KLF8: variants seen among roughly 807,000 people sequenced by gnomAD.
The protein encoded by KLF8 is KLF transcription factor 8.
KLF8 carries 10 observed loss-of-function variants against 18.2 expected under a neutral mutation model. The observed-to-expected ratio is 0.55, with a 90% CI of 0.34 to 0.93. The LOEUF is 0.93. Ranked by LOEUF, KLF8 falls within the 40% of genes least tolerant of loss-of-function variation. KLF8 has a pLI of 0.02. For missense variants in KLF8, 264 were observed against 277.9 expected (o/e 0.95, Z 0.36); for synonymous variants, 109 against 97.3 (o/e 1.12, Z -0.71).
the KLF8 span, among the ~76,000 whole-genome samples, chrX:56,224,597 A>C: frequency 9.0e-6 from 1 of 111,690 alleles, no homozygotes; most frequent in Admixed American, 9.5e-5. Context: ...GTTGAATGGC[A>C]TGTGTGTCGG....
the KLF8 span, among the ~76,000 whole-genome samples, chrX:55,938,831 G>T: frequency 4.5e-5 from 5 of 111,484 alleles, no homozygotes; most frequent in South Asian, 3.8e-4. Context: ...CTAACTATCC[G>T]AAATATATAT....
chrX:56,046,998 A>G, the KLF8 span, among the ~76,000 whole-genome samples: 1 of 111,508 alleles, frequency 9.0e-6, no homozygotes, highest in Non-Finnish European at 1.9e-5. Flanking sequence ...ATGAACACCA[A>G]TAATTTTTAG....
the KLF8 span, among the ~76,000 whole-genome samples, chrX:55,985,845 G>A: frequency 3.6e-5 from 4 of 110,280 alleles, no homozygotes; most frequent in Non-Finnish European, 7.6e-5. Context: ...GAGGTCCTTC[G>A]CTTTCCTTGT....
the KLF8 span, among the ~76,000 whole-genome samples, chrX:56,005,995 C>A: frequency 8.9e-6 from 1 of 112,554 alleles, no homozygotes; most frequent in African/African-American, 3.2e-5. Flanking sequence ...CTGGCGGAGG[C>A]CAACAGACAG....
the KLF8 span, among the ~76,000 whole-genome samples, chrX:56,161,462 C>T: frequency 1.8e-5 from 2 of 111,617 alleles, no homozygotes; most frequent in East Asian, 5.6e-4. Flanking sequence ...AAGCTTTGTT[C>T]ATTTCTTTTT....
intron 2 of KLF8, among the ~76,000 whole-genome samples, chrX:56,252,932 A>C (rs2066733659): frequency 8.9e-6 from 1 of 112,406 alleles, no homozygotes; most frequent in African/African-American, 3.2e-5. Flanking sequence ...ATCTCATTGT[A>C]GTTTTGATTT....
rs752831622 is a variant in KLF8 at position 56,265,740 on chromosome X, A to G, written c.642A>G (p.Gly214=). 1.7e-6 allele frequency: 2 copies of G among 1,197,811 alleles called. No individual in the cohort carries two copies. The highest frequency in any genetic ancestry group is 2.2e-6 in the Non-Finnish European group (2 of 891,564). ...TTGGAGGAGATGGTAAAAATGCTGG[A>G]TCAGGTAAGTAACAATATTGCCTCT... ...PLIGGDGKNA[G]SVKVDPTSMS... Residue 214 remains glycine, a synonymous_variant, in exon 3 of 6, where the codon GGA becomes GGG. Transcript: ENST00000468660.
At chrX:56,115,624 CATT>C in the KLF8 span, among the ~76,000 whole-genome samples, 2 of 111,408 alleles carry the variant, frequency 1.8e-5, no homozygotes, top group African/African-American at 6.5e-5. Flanking sequence ...TGAGGGCAGG[CATT>C]ATGTAGTAAA....
intron 1 of KLF8, among the ~76,000 whole-genome samples, chrX:56,249,195 G>C (rs151110824): frequency 5.9e-4 from 66 of 112,530 alleles, no homozygotes; most frequent in African/African-American, 2.1e-3. Context: ...TCATGAATCA[G>C]GCAGCCCCCA....
At chrX:56,021,473 T>C in the KLF8 span, among the ~76,000 whole-genome samples, 1 of 111,400 alleles carries the variant, frequency 9.0e-6, no homozygotes, top group Non-Finnish European at 1.9e-5. Context: ...TGCACACCCG[T>C]TTCTGTTGAT....
the KLF8 span, among the ~76,000 whole-genome samples, chrX:56,115,106 T>TTATG: frequency 9.0e-6 from 1 of 110,782 alleles, no homozygotes; most frequent in South Asian, 3.8e-4. Flanking sequence ...TTAAAATTAT[T>TTATG]TATTTATTTA....
chrX:56,210,205 C>T, the KLF8 span, among the ~76,000 whole-genome samples: 2 of 111,737 alleles, frequency 1.8e-5, no homozygotes, highest in African/African-American at 6.5e-5. Flanking sequence ...GAAATGCTTT[C>T]TAGCATTTCT....
chrX:55,937,721 A>T, the KLF8 span, among the ~76,000 whole-genome samples: 20 of 112,808 alleles, frequency 1.8e-4, no homozygotes, highest in Middle Eastern at 4.6e-3. Flanking sequence ...GAACTACGTG[A>T]TGAATGCACA....
the KLF8 span, among the ~76,000 whole-genome samples, chrX:56,154,199 AACCAAAACAGCATGGTACTGGT>A: frequency 3.7e-4 from 41 of 110,659 alleles, no homozygotes; most frequent in Non-Finnish European, 6.6e-4. Context: ...AGGCTACAGT[AACCAAAACAGCATGGTACTGGT>A]ACCAAAACAG....
the KLF8 span, among the ~76,000 whole-genome samples, chrX:56,076,727 C>A: frequency 8.9e-6 from 1 of 111,772 alleles, no homozygotes; most frequent in Non-Finnish European, 1.9e-5. Context: ...CTGACTTCCA[C>A]AATGGTTGAA....
At chrX:56,006,855 C>A in the KLF8 span, among the ~76,000 whole-genome samples, 1 of 112,054 alleles carries the variant, frequency 8.9e-6, no homozygotes, top group South Asian at 3.7e-4. Flanking sequence ...CTATTGTGCA[C>A]ATGTGTACCA....
At chrX:56,214,855 A>G in the KLF8 span, among the ~76,000 whole-genome samples, 1 of 112,365 alleles carries the variant, frequency 8.9e-6, no homozygotes, top group Non-Finnish European at 1.9e-5. Context: ...GTCCAACTCC[A>G]AAGTCTAAAC....
intron 3 of KLF8, chrX:56,267,221 T>C (rs1192714902): frequency 2.7e-6 from 2 of 748,990 alleles, no homozygotes; most frequent in Non-Finnish European, 3.1e-6. Context: ...ATTGGCCCAA[T>C]GGTGTCTGTA....
At chrX:55,978,967 TA>T in the KLF8 span, among the ~76,000 whole-genome samples, 3 of 111,512 alleles carry the variant, frequency 2.7e-5, no homozygotes, top group African/African-American at 9.8e-5. Context: ...TGGACTTGGG[TA>T]GACTGCAGAC....
Sources: allele counts gnomAD v4.1 joint callset (sites outside exome capture counted in the v4.1 genomes callset), GRCh38; gene constraint gnomAD v4.1.1; transcripts MANE v1.5; gene names NCBI Gene and HGNC (gene_info 2026-07-23, HGNC 2026-07-21).